CSMD1: variants seen among roughly 807,000 people sequenced by gnomAD.
CSMD1 encodes CUB and sushi domain-containing protein 1.
A neutral mutation model predicts 417.5 loss-of-function variants in CSMD1; 213 were observed. That is an observed-to-expected ratio of 0.51 (90% CI 0.46 to 0.57). CSMD1 has a LOEUF of 0.57. CSMD1 is among the 20% of genes least tolerant of loss of function. The pLI, the probability that CSMD1 is intolerant of heterozygous loss-of-function variation, is 0.00. For missense variants in CSMD1, 6,923 were observed against 4,529.7 expected, an observed-to-expected ratio of 1.53 and a Z score of -15.17; for synonymous variants, 2,862 against 1,736.8, an observed-to-expected ratio of 1.65 and a Z score of -16.11.
At position 4,888,558 on chromosome 8, in the gene CSMD1, G is replaced by A. The variant is rs538121715; in HGVS notation, c.85+105774C>T. On this transcript the variant is annotated intron_variant, in intron 1 of 69. Coordinates refer to ENST00000635120, the MANE Select transcript of CSMD1 (RefSeq NM_033225.6). Reference sequence around the variant, plus strand: ...TGTGTGTGTTTATGTGAGAGTCTATGGACCCCTGTACCCTAACTCTATCTG... The same window carrying A: ...TGTGTGTGTTTATGTGAGAGTCTATAGACCCCTGTACCCTAACTCTATCTG... Among the ~76,000 whole-genome samples, 21 of 151,948 alleles carry A rather than the reference G, an allele frequency of 1.4e-4. No individual in the cohort carries two copies. The South Asian group carries it at 4.2e-3, about 30-fold the overall frequency.
chr8:3,811,238 A>G (rs555549277), intron 5 of CSMD1, among the ~76,000 whole-genome samples: 1 of 152,336 alleles, frequency 6.6e-6, no homozygotes, highest in African/African-American at 2.4e-5. Flanking sequence ...TGAAACACCC[A>G]AGTTAATTAT....
At chr8:4,671,955 C>T (rs564289736) in intron 1 of CSMD1, among the ~76,000 whole-genome samples, 2 of 152,290 alleles carry the variant, frequency 1.3e-5, no homozygotes, top group Admixed American at 6.5e-5. Flanking sequence ...AGCAGCACCT[C>T]GCCGAGGTAG....
chr8:4,160,323 A>G (rs976772110), intron 3 of CSMD1, among the ~76,000 whole-genome samples: 1 of 152,190 alleles, frequency 6.6e-6, no homozygotes, highest in Non-Finnish European at 1.5e-5. Context: ...GCATAAAAAT[A>G]AAATAATGAT....
At position 3,698,617 on chromosome 8, in the gene CSMD1, G is replaced by A. The variant is rs1055166802; in HGVS notation, c.1009+9797C>T. On this transcript the variant is annotated intron_variant, in intron 7 of 69. Coordinates refer to ENST00000635120, the MANE Select transcript of CSMD1 (RefSeq NM_033225.6). ...ATCACACGTTCCTAATACAGCACTC[G>A]CGTCCCTAAAAGCAAGACCTGATGA... Among the ~76,000 whole-genome samples the A allele has an allele frequency of 3.9e-5, 6 of 152,072 alleles. No individual in the cohort carries two copies. In the South Asian group the frequency reaches 6.2e-4, roughly 16 times the overall value.
intron 8 of CSMD1, among the ~76,000 whole-genome samples, chr8:3,586,888 C>T (rs11777462): frequency 0.36 from 55,428 of 152,080 alleles, 10,925 homozygotes; most frequent in Middle Eastern, 0.44. Flanking sequence ...CAACCTCCGC[C>T]TCCGGGGTTC....
chr8:4,981,905 C>T (rs1411088746), intron 1 of CSMD1, among the ~76,000 whole-genome samples: 21 of 152,154 alleles, frequency 1.4e-4, no homozygotes, highest in Admixed American at 1.4e-3. Context: ...TCTCCCCCAA[C>T]CCCACTCCTA....
At chr8:4,047,597 A>C (rs1476489287) in intron 3 of CSMD1, among the ~76,000 whole-genome samples, 1 of 152,172 alleles carries the variant, frequency 6.6e-6, no homozygotes, top group Admixed American at 6.5e-5. Flanking sequence ...AATGCGTATT[A>C]TGTGTGGAAT....
intron 52 of CSMD1, among the ~76,000 whole-genome samples, chr8:3,002,195 T>G (rs573678689): frequency 2.6e-4 from 40 of 152,300 alleles, no homozygotes; most frequent in Admixed American, 1.4e-3. Context: ...AGAACGTCGA[T>G]GAGGGTGAAT....
At chr8:4,686,419 C>T (rs1319450020) in intron 1 of CSMD1, among the ~76,000 whole-genome samples, 1 of 152,228 alleles carries the variant, frequency 6.6e-6, no homozygotes, top group African/African-American at 2.4e-5. Context: ...TGCCCTTGCT[C>T]TTCTCCCCCG....
intron 26 of CSMD1, among the ~76,000 whole-genome samples, chr8:3,259,164 T>A (rs73185595): frequency 0.14 from 20,825 of 152,212 alleles, 1,836 homozygotes; most frequent in Non-Finnish European, 0.19. Flanking sequence ...CTGAAAACAT[T>A]CTTATTAGTA....
chr8:3,855,186 G>T (rs780026453), intron 5 of CSMD1, among the ~76,000 whole-genome samples: 1 of 152,066 alleles, frequency 6.6e-6, no homozygotes, highest in Non-Finnish European at 1.5e-5. Context: ...ATATAACAAA[G>T]ATGTATTATT....
chr8:3,252,205 A>C (rs1045358283), intron 26 of CSMD1, among the ~76,000 whole-genome samples: 1 of 152,200 alleles, frequency 6.6e-6, no homozygotes, highest in South Asian at 2.1e-4. Flanking sequence ...GGTTTGTCAT[A>C]GATAGCTCTT....
Position 3,096,916 on chromosome 8 carries a change from G to A in CSMD1, c.7071C>T (p.Tyr2357=). Reference sequence around the variant, plus strand: ...ATGTGTCCACAAAGATGGTAATGTTGTAGTTTGGTTCCACTTTAATACTCC... The same window carrying A: ...ATGTGTCCACAAAGATGGTAATGTTATAGTTTGGTTCCACTTTAATACTCC... ...CSWSIKVEPN[Y]NITIFVDTFQ... Residue 2357 remains tyrosine (Y), a synonymous_variant, in exon 47 of 70, where the codon TAC becomes TAT. Coordinates refer to ENST00000635120, the MANE Select transcript of CSMD1 (RefSeq NM_033225.6). The A allele has an allele frequency of 6.4e-7, 1 of 1,557,088 alleles. No homozygotes were observed. The highest frequency in any genetic ancestry group is 8.7e-7 in the Non-Finnish European group (1 of 1,149,134).
chr8:4,063,703 CTAAG>C (rs988280704), intron 3 of CSMD1, among the ~76,000 whole-genome samples: 5 of 152,166 alleles, frequency 3.3e-5, no homozygotes, highest in Non-Finnish European at 5.9e-5. Flanking sequence ...GGCATGCTAC[CTAAG>C]TAAGGAGTCC....
intron 10 of CSMD1, among the ~76,000 whole-genome samples, chr8:3,573,201 T>C (rs1052040304): frequency 6.6e-6 from 1 of 152,192 alleles, no homozygotes; most frequent in Non-Finnish European, 1.5e-5. Flanking sequence ...GATTTATCTG[T>C]TTTTCACAAC....
intron 2 of CSMD1, among the ~76,000 whole-genome samples, chr8:4,463,514 T>C (rs992560004): frequency 2.6e-5 from 4 of 152,114 alleles, no homozygotes; most frequent in East Asian, 1.9e-4. Context: ...AATACAAATG[T>C]CAGTCAACCG....
chr8:3,476,978 A>C (rs1448568154), intron 11 of CSMD1, among the ~76,000 whole-genome samples: 1 of 151,840 alleles, frequency 6.6e-6, no homozygotes, highest in Non-Finnish European at 1.5e-5. Context: ...GGAGCCTGTC[A>C]ACACAAAGGG....
intron 1 of CSMD1, among the ~76,000 whole-genome samples, chr8:4,912,131 AAAAAAAAAAAG>A (rs1259854950): frequency 6.9e-6 from 1 of 144,244 alleles, no homozygotes; most frequent in Non-Finnish European, 1.5e-5. Context: ...TCAAAAAAAA[AAAAAAAAAAAG>A]AAAGAAAGAA....
chr8:3,937,165 A>C (rs1188810300), intron 5 of CSMD1, among the ~76,000 whole-genome samples: 3 of 152,158 alleles, frequency 2.0e-5, no homozygotes, highest in Non-Finnish European at 4.4e-5. Context: ...CTTTAGATGA[A>C]ATCTACTCCT....
Sources: allele counts gnomAD v4.1 joint callset (sites outside exome capture counted in the v4.1 genomes callset), GRCh38; gene constraint gnomAD v4.1.1; transcripts MANE v1.5; gene names NCBI Gene and HGNC (gene_info 2026-07-23, HGNC 2026-07-21).